The following E2F1 variants were observed in gnomAD, a reference collection of about 807,000 sequenced individuals.
E2F1 encodes the protein E2F transcription factor 1.
Under a neutral mutation model 36.9 loss-of-function variants are expected in E2F1, and 7 were observed. The observed-to-expected ratio is 0.19, with a 90% confidence interval of 0.11 to 0.36. E2F1 has a LOEUF of 0.36. Among genes scored for constraint, E2F1 ranks in the 10% least tolerant of loss-of-function variants. The pLI, the probability that E2F1 is intolerant of heterozygous loss-of-function variation, is 1.00. For synonymous variants in E2F1, 261 were observed against 263.1 expected (o/e 0.99, Z 0.08); for missense variants, 406 against 573.6 (o/e 0.71, Z 2.99).
At chr20:33,684,909 C>T (rs745677663) in intron 1 of E2F1, among the ~76,000 whole-genome samples, 2 of 152,090 alleles carry the variant, frequency 1.3e-5, no homozygotes, top group African/African-American at 2.4e-5. Flanking sequence ...TCCTGCCTGG[C>T]CAGACCCCGC....
chr20:33,679,949 T>A lies in E2F1; in HGVS notation c.378A>T (p.Ser126=). ...GKGVKSPGEK[S]RYETSLNLTT... ...TCAGATTCAGTGAGGTCTCATAGCG[T>A]GACTTCTCCCCCGGGGATTTCACAC... The change falls in exon 3 of 7, where the codon TCA becomes TCT. Residue 126 remains serine, a synonymous_variant. Transcript: ENST00000343380. This position sits in a 1 kb window ranked among gnomAD's most constrained non-coding sequence, Gnocchi z 4.6. 1 of 1,614,118 alleles carries A rather than the reference T, an allele frequency of 6.2e-7. No homozygotes were observed. The highest frequency in any genetic ancestry group is 1.1e-5 in the South Asian group (1 of 91,074).
In E2F1 at chr20:33,676,658, G is replaced by T; in HGVS notation, c.*74C>A. ...TGTTTCCAAACAGGCTGGGAGGACG[G>T]CCAGGGACAGGGGGCTCCAGGGCTG... is the stretch of plus-strand genomic sequence containing the variant. On this transcript the variant is annotated 3_prime_UTR_variant, in exon 7 of 7. Transcript: ENST00000343380. 1 of 1,509,446 alleles carries T rather than the reference G, an allele frequency of 6.6e-7. No homozygotes were observed. Among genetic ancestry groups the T allele is most frequent in the African/African-American group, 1.4e-5 (1 of 71,636 alleles). The allele number at this position is 1,509,446 out of a possible 1,614,324, so 93.5% of individuals were successfully genotyped here.
chr20:33,678,926 G>A (rs1042205217), intron 3 of E2F1, among the ~76,000 whole-genome samples: 1 of 152,068 alleles, frequency 6.6e-6, no homozygotes, highest in African/African-American at 2.4e-5. Flanking sequence ...GGGCGACAGA[G>A]CAACACCCTG....
At chr20:33,685,633 C>T (rs2018060439) in intron 1 of E2F1, among the ~76,000 whole-genome samples, 1 of 152,222 alleles carries the variant, frequency 6.6e-6, no homozygotes, top group South Asian at 2.1e-4. Context: ...GTCAGATGGG[C>T]ACAGTGACAA....
chr20:33,680,344 C>G lies in E2F1; in HGVS notation c.334G>C (p.Gly112Arg). 1.2e-6 allele frequency: 2 copies of G among 1,614,214 alleles called. No homozygotes were observed. Among genetic ancestry groups the G allele is most frequent in the Non-Finnish European group, 1.7e-6 (2 of 1,180,028 alleles). ...TAGGTACCTTTTCCTGGATGGCGGC[C>G]TCTGCCCCGAGCTGGCCCACTGCTC... Reference protein sequence around the residue: ...AESSGPARGRGRHPGKGVKSP... With the variant: ...AESSGPARGRRRHPGKGVKSP... Residue 112 changes from glycine to arginine, a missense_variant, in exon 2 of 7, where the codon GGC becomes CGC. Physicochemically the swap from Gly to Arg is moderately radical, Grantham distance 125. Transcript: ENST00000343380.
At chr20:33,682,168 T>G (rs531393096) in intron 1 of E2F1, among the ~76,000 whole-genome samples, 1 of 152,318 alleles carries the variant, frequency 6.6e-6, no homozygotes, top group South Asian at 2.1e-4. Context: ...TCTGAATCAC[T>G]TGAGAATCTA....
intron 2 of E2F1, 31 bp downstream of exon 2, chr20:33,680,295 G>C (rs1275181077): frequency 1.2e-6 from 2 of 1,602,416 alleles, no homozygotes; most frequent in Non-Finnish European, 1.7e-6. Context: ...CTGGTCACAG[G>C]GGGTCTGCCC....
rs755210188 is a variant in E2F1, at chr20:33,677,469, T to C, written c.797A>G (p.Lys266Arg). The change falls in exon 5 of 7, where the codon AAA becomes AGA. Residue 266 changes from lysine to arginine, a missense_variant. Physicochemically the swap from Lys to Arg is conservative, Grantham distance 26. Transcript: ENST00000343380. Reference sequence around the variant, plus strand: ...TTGGAGCTGGGTCTCAGGAGGGGCTTTGATCACCATAACCATCTGCTCTGC... The same window carrying C: ...TTGGAGCTGGGTCTCAGGAGGGGCTCTGATCACCATAACCATCTGCTCTGC... ...DPAEQMVMVI[K>R]APPETQLQAV... 4 of 1,613,978 alleles carry C rather than the reference T, an allele frequency of 2.5e-6. No individual in the cohort carries two copies. Among genetic ancestry groups the C allele is most frequent in the Non-Finnish European group, 3.4e-6 (4 of 1,179,998 alleles).
intron 1 of E2F1, among the ~76,000 whole-genome samples, chr20:33,685,298 G>A (rs1287513444): frequency 1.3e-5 from 2 of 152,026 alleles, no homozygotes; most frequent in African/African-American, 4.8e-5. Flanking sequence ...CAGAGGGAGG[G>A]GATCAGCAGC....
chr20:33,683,606 C>G (rs2018037522), intron 1 of E2F1, among the ~76,000 whole-genome samples: 1 of 151,418 alleles, frequency 6.6e-6, no homozygotes. Flanking sequence ...GACCCTCTCT[C>G]TACTAAAAAT....
intron 1 of E2F1, among the ~76,000 whole-genome samples, chr20:33,685,266 G>C (rs1425997250): frequency 6.6e-6 from 1 of 152,128 alleles, no homozygotes; most frequent in Non-Finnish European, 1.5e-5. Flanking sequence ...GGAGGGTGGA[G>C]GGTGGCAGAT....
intron 4 of E2F1, 72 bp downstream of exon 4, chr20:33,678,129 T>C (rs2017982302): frequency 1.6e-5 from 24 of 1,529,682 alleles, no homozygotes; most frequent in Non-Finnish European, 3.5e-6. Flanking sequence ...TCCAAGCCTC[T>C]CTAGTCCCAC....
rs756301576 is a variant in E2F1 at position 33,679,738 on chromosome 20, G to GT, written c.572+16dup. 6.2e-7 allele frequency: 1 copy of GT among 1,611,118 alleles called. No homozygotes were observed. Among genetic ancestry groups the GT allele is most frequent in the Non-Finnish European group, 8.5e-7 (1 of 1,178,534 alleles). ...CATGGGCAGGTGTGCCTGCCCTCCT[G>GT]TGTGGCCGGTACCTACAGCCACTGG... On this transcript the variant is annotated intron_variant, in intron 3 of 6. Transcript: ENST00000343380. This position sits in a 1 kb window ranked among gnomAD's most constrained non-coding sequence, Gnocchi z 4.6.
Position 33,677,612 on chromosome 20 carries a change from G to C in E2F1, c.726-72C>G, listed in dbSNP as rs1008237224. The stretch of plus-strand genomic sequence containing the variant: ...CTCACTCCAACAGCTCACAAGGCAG[G>C]GCTCACACCTGCCTAGTCACTCCTG... On this transcript the variant is annotated intron_variant, in intron 4 of 6. Coordinates refer to ENST00000343380, the MANE Select transcript of E2F1 (RefSeq NM_005225.3). 1.0e-5 allele frequency: 12 copies of C among 1,193,680 alleles called. No individual in the cohort carries two copies. The African/African-American group carries it at 1.8e-4, about 18-fold the overall frequency. The allele number at this position is 1,193,680 out of a possible 1,614,324, so 73.9% of individuals were successfully genotyped here.
At chr20:33,677,573 C>T (rs1206532609) in intron 4 of E2F1, 33 bp from the exon 5 acceptor site, 2 of 1,553,938 alleles carry the variant, frequency 1.3e-6, no homozygotes, top group South Asian at 2.2e-5. Context: ...TGACCTTTGA[C>T]TTCTAGGGGG....
chr20:33,680,240 G>A, intron 2 of E2F1, 86 bp downstream of exon 2: 5 of 1,431,808 alleles, frequency 3.5e-6, no homozygotes, highest in Non-Finnish European at 4.8e-6. Context: ...CAAGCCAGAC[G>A]TTAGCTTGCA....
At chr20:33,685,918 C>T in intron 1 of E2F1, 86 bp downstream of exon 1, 1 of 1,046,258 alleles carries the variant, frequency 9.6e-7, no homozygotes, top group Non-Finnish European at 1.2e-6. Flanking sequence ...CGCCCCCTGC[C>T]GCCTCCAGGC....
chr20:33,685,820 G>A (rs1225249140), intron 1 of E2F1, among the ~76,000 whole-genome samples, 184 bp downstream of exon 1: 1 of 152,160 alleles, frequency 6.6e-6, no homozygotes, highest in Non-Finnish European at 1.5e-5. Flanking sequence ...GGACCGGCCC[G>A]AGGTCACCCC....
In E2F1 at chr20:33,686,177, A is replaced by T; in HGVS notation, c.88T>A (p.Ser30Thr). Reference protein sequence around the residue: ...LGAGALRLLDSSQIVIISAAQ... With the variant: ...LGAGALRLLDTSQIVIISAAQ... ...GCGGAGATGATGACGATCTGCGAGG[A>T]GTCGAGCAGCCGCAGCGCGCCGGCC... is the stretch of plus-strand genomic sequence containing the variant. Residue 30 changes from serine to threonine, a missense_variant, in exon 1 of 7, where the codon TCC (serine) becomes ACC (threonine). By Grantham distance (58) the Ser-to-Thr change is moderately conservative. Around this residue, in one of 5 missense-constraint regions of E2F1, gnomAD observed 68 missense variants for 74.3 expected, o/e 0.92. Transcript: ENST00000343380. The T allele has an allele frequency of 9.5e-7, 1 of 1,049,326 alleles. No homozygotes were observed. Among genetic ancestry groups the T allele is most frequent in the Non-Finnish European group, 1.1e-6 (1 of 872,750 alleles). The allele number at this position is 1,049,326 out of a possible 1,614,324, so 65.0% of individuals were successfully genotyped here. A position where few individuals can be genotyped will look rare whatever the true frequency, so the allele number is the denominator to read the frequency against.
Sources: gnomAD v4.1 joint callset for allele counts (sites outside exome capture counted in the v4.1 genomes callset) on GRCh38, gnomAD v4.1.1 for gene constraint, gnomAD v4.1.1 regional missense constraint, Gnocchi (gnomAD v3.1) non-coding constraint, MANE v1.5 for transcripts, NCBI Gene and HGNC (gene_info 2026-07-23, HGNC 2026-07-21) for gene names.